MSH4: variants seen among roughly 807,000 people sequenced by gnomAD.
The protein encoded by MSH4 is mutS homolog 4.
In MSH4, 106 loss-of-function variants were observed where a neutral mutation model predicts 113.7. That is an observed-to-expected ratio of 0.93 (90% CI 0.80 to 1.10). The LOEUF is 1.10. Among genes scored for constraint, MSH4 ranks in the 50% least tolerant of loss-of-function variants. The pLI, the probability that MSH4 is intolerant of heterozygous loss-of-function variation, is 0.00. For synonymous variants in MSH4, 368 were observed against 380.2 expected, an observed-to-expected ratio of 0.97 and a Z score of 0.37; for missense variants, 1,061 against 1,093.7, an observed-to-expected ratio of 0.97 and a Z score of 0.42.
chr1:75,833,535 A>T (rs923953916), intron 7 of MSH4, among the ~76,000 whole-genome samples: 2 of 152,220 alleles, frequency 1.3e-5, no homozygotes, highest in African/African-American at 2.4e-5. Flanking sequence ...ACTTCAAACT[A>T]CACTACAAGC....
intron 15 of MSH4, among the ~76,000 whole-genome samples, chr1:75,886,715 T>C (rs1305450096): frequency 3.7e-5 from 5 of 135,872 alleles, no homozygotes; most frequent in Admixed American, 8.1e-5. Context: ...ATATTATATA[T>C]AAATGTATAC....
intron 6 of MSH4, among the ~76,000 whole-genome samples, chr1:75,821,974 C>T (rs969377889): frequency 2.0e-5 from 3 of 151,988 alleles, no homozygotes; most frequent in African/African-American, 7.2e-5. Flanking sequence ...TAATTGTATG[C>T]ACAGTAAAGT....
In MSH4 at chr1:75,807,752, A is replaced by T. The variant is rs1338220906; in HGVS notation, c.588+611A>T. Among the ~76,000 whole-genome samples the T allele has an allele frequency of 2.6e-5, 4 of 151,344 alleles. No homozygotes were observed. The East Asian group carries it at 6.0e-4, about 23-fold the overall frequency. ...GTGACAACTTGACTGTATTAAAAAAATACCTAGTAAAGCATTATTTGGGCT... is the reference window on the plus strand; with the variant it reads ...GTGACAACTTGACTGTATTAAAAAATTACCTAGTAAAGCATTATTTGGGCT... On this transcript the variant is annotated intron_variant, in intron 3 of 19. Coordinates refer to ENST00000263187, the MANE Select transcript of MSH4 (RefSeq NM_002440.4).
intron 5 of MSH4, among the ~76,000 whole-genome samples, chr1:75,815,788 C>T (rs904636489): frequency 1.4e-4 from 21 of 152,048 alleles, no homozygotes; most frequent in African/African-American, 4.3e-4. Context: ...CCCAGCACTT[C>T]GGGAGGCCAA....
chr1:75,829,248 G>T (rs1650628350), intron 7 of MSH4, among the ~76,000 whole-genome samples: 1 of 152,180 alleles, frequency 6.6e-6, no homozygotes, highest in African/African-American at 2.4e-5. Context: ...TGGGCATCTG[G>T]CTTTGCTGAG....
At position 75,891,753 on chromosome 1, in the gene MSH4, C is replaced by T. The variant is rs76844732; in HGVS notation, c.2355+929C>T. Among the ~76,000 whole-genome samples the T allele has an allele frequency of 2.6e-4, 40 of 152,054 alleles. No homozygotes were observed. In the East Asian group the frequency reaches 7.3e-3, roughly 28 times the overall value. ...GCAGGCTGAGCCGTCATGCCCAGCT[C>T]GTAATGATTTATTATATAGAATGAG... On this transcript the variant is annotated intron_variant, in intron 17 of 19. Coordinates refer to ENST00000263187, the MANE Select transcript of MSH4 (RefSeq NM_002440.4).
chr1:75,831,793 G>T (rs1184962561), intron 7 of MSH4, among the ~76,000 whole-genome samples: 1 of 152,200 alleles, frequency 6.6e-6, no homozygotes, highest in Non-Finnish European at 1.5e-5. Flanking sequence ...GCAGTGTGTA[G>T]AGGGAAGTTT....
chr1:75,912,380 AC>A (rs1201963231), intron 19 of MSH4, among the ~76,000 whole-genome samples: 3 of 152,098 alleles, frequency 2.0e-5, no homozygotes, highest in Non-Finnish European at 2.9e-5. Context: ...ATTTTCTATT[AC>A]TTTTCGGTAT....
At chr1:75,800,901 G>A (rs1412118324) in intron 1 of MSH4, among the ~76,000 whole-genome samples, 2 of 152,070 alleles carry the variant, frequency 1.3e-5, no homozygotes, top group Admixed American at 6.5e-5. Flanking sequence ...ACTAGTAGCC[G>A]TATGTGGCTT....
At position 75,883,826 on chromosome 1, in the gene MSH4, G is replaced by A. The variant is rs751848231; in HGVS notation, c.2107+5G>A. 9 of 1,605,122 alleles carry A rather than the reference G, an allele frequency of 5.6e-6. No individual in the cohort carries two copies. The highest frequency in any genetic ancestry group is 1.7e-4 in the Middle Eastern group (1 of 6,004). On this transcript the variant is annotated splice_donor_5th_base_variant and intron_variant, in intron 15 of 19. Transcript: ENST00000263187. ...GTCAGATTATGGCCCAGATTGGTAAGTTATGGCTTTATTTATAATGACCAG... is the reference window on the plus strand; with the variant it reads ...GTCAGATTATGGCCCAGATTGGTAAATTATGGCTTTATTTATAATGACCAG...
At chr1:75,837,607 C>T (rs758521506) in intron 7 of MSH4, among the ~76,000 whole-genome samples, 1 of 152,054 alleles carries the variant, frequency 6.6e-6, no homozygotes, top group Non-Finnish European at 1.5e-5. Flanking sequence ...AGGCTGGTCT[C>T]AAACTCCTGA....
intron 19 of MSH4, among the ~76,000 whole-genome samples, chr1:75,907,693 T>C (rs1398620813): frequency 2.3e-4 from 4 of 17,534 alleles, no homozygotes; most frequent in Non-Finnish European, 6.3e-4. Flanking sequence ...TCTATACATA[T>C]ATATATATAT....
Position 75,807,114 on chromosome 1 carries a change from G to C in MSH4, c.561G>C (p.Gln187His). 6.4e-7 allele frequency: 1 copy of C among 1,571,482 alleles called. No individual in the cohort carries two copies. The highest frequency in any genetic ancestry group is 1.2e-5 in the South Asian group (1 of 82,352). ...DLKNPQIILS[Q>H]FADNTTYAKV... The stretch of plus-strand genomic sequence containing the variant: ...AAAACCCCCAAATTATACTATCCCA[G>C]TTTGCAGACAACACAACATATGCAA... The change falls in exon 3 of 20, where the codon CAG becomes CAC. Residue 187 changes from glutamine (Q) to histidine (H), a missense_variant. Gln to His is a conservative substitution (Grantham distance 24, BLOSUM62 0). Transcript: ENST00000263187.
intron 18 of MSH4, among the ~76,000 whole-genome samples, chr1:75,898,899 C>A (rs1389924325): frequency 6.6e-6 from 1 of 152,128 alleles, no homozygotes; most frequent in Non-Finnish European, 1.5e-5. Flanking sequence ...TTATGAGCCT[C>A]AATTTCATGA....
rs757443524 is a variant in MSH4 at position 75,810,730 on chromosome 1, G to A, written c.622G>A (p.Glu208Lys). ...TAAACTTAAAATTTTATCACCTTTG[G>A]AAATAATAATGTCAAATACTGCTTG... ...ITKLKILSPL[E>K]IIMSNTACAV... The change falls in exon 4 of 20, where the codon GAA (glutamate) becomes AAA (lysine). Residue 208 changes from glutamate (E) to lysine (K), a missense_variant. Transcript: ENST00000263187. 2 of 1,577,258 alleles carry A rather than the reference G, an allele frequency of 1.3e-6. No homozygotes were observed. Among genetic ancestry groups the A allele is most frequent in the South Asian group, 1.2e-5 (1 of 83,390 alleles).
At chr1:75,887,511 C>A (rs1652151171) in intron 15 of MSH4, among the ~76,000 whole-genome samples, 1 of 152,096 alleles carries the variant, frequency 6.6e-6, no homozygotes, top group African/African-American at 2.4e-5. Flanking sequence ...ATATACCTTG[C>A]ATGATAATAC....
chr1:75,882,058 T>C (rs1651945891), intron 14 of MSH4, among the ~76,000 whole-genome samples: 1 of 152,114 alleles, frequency 6.6e-6, no homozygotes, highest in Non-Finnish European at 1.5e-5. Flanking sequence ...AATGTTATGT[T>C]AATTTACTTT....
At chr1:75,841,695 A>G (rs1396371819) in intron 7 of MSH4, among the ~76,000 whole-genome samples, 2 of 152,160 alleles carry the variant, frequency 1.3e-5, no homozygotes, top group Non-Finnish European at 2.9e-5. Context: ...GTACTGATCA[A>G]ATCCTATTTT....
intron 7 of MSH4, among the ~76,000 whole-genome samples, chr1:75,829,910 C>T (rs1650643780): frequency 6.6e-6 from 1 of 152,112 alleles, no homozygotes; most frequent in Non-Finnish European, 1.5e-5. Flanking sequence ...AGCTCCTTGC[C>T]AGCAACGGAA....
Sources: gnomAD v4.1 joint callset for allele counts (sites outside exome capture counted in the v4.1 genomes callset) on GRCh38, gnomAD v4.1.1 for gene constraint, MANE v1.5 for transcripts, NCBI Gene and HGNC (gene_info 2026-07-23, HGNC 2026-07-21) for gene names.